TSG101: variants seen among roughly 807,000 people sequenced by gnomAD.
The protein encoded by TSG101 is tumor susceptibility 101.
TSG101 carries 19 observed loss-of-function variants against 48.5 expected under a neutral mutation model. The ratio of observed to expected loss-of-function variants is 0.39; its 90% CI spans 0.27 to 0.58. The LOEUF is 0.58. Ranked by LOEUF, TSG101 falls within the 20% of genes least tolerant of loss-of-function variation. The pLI, the probability that TSG101 is intolerant of heterozygous loss-of-function variation, is 0.55. For synonymous variants in TSG101, 174 were observed against 169.4 expected (o/e 1.03, Z -0.21); for missense variants, 365 against 484.4 (o/e 0.75, Z 2.31).
chr11:18,495,185 G>A (rs1192091106), intron 7 of TSG101, among the ~76,000 whole-genome samples: 4 of 152,128 alleles, frequency 2.6e-5, no homozygotes, highest in African/African-American at 9.7e-5. Context: ...AAACTCAGAG[G>A]TTGAAATATA....
In TSG101 at chr11:18,509,428, C is replaced by A. The variant is rs997201297; in HGVS notation, c.481+114G>T. 4 of 1,381,702 alleles carry A rather than the reference C, an allele frequency of 2.9e-6. No individual in the cohort carries two copies. The African/African-American group carries it at 4.4e-5, about 15-fold the overall frequency. The allele number at this position is 1,381,702 out of a possible 1,614,324, so 85.6% of individuals were successfully genotyped here. ...CCTCAGAATACTTCCAAAAAATCCA[C>A]TAGCTTGATAAACTAAAAAGCAAAG... On this transcript the variant is annotated intron_variant, in intron 5 of 9. Coordinates refer to ENST00000251968, the MANE Select transcript of TSG101 (RefSeq NM_006292.4).
chr11:18,481,516 A>T (rs1317668902), intron 9 of TSG101, 114 bp downstream of exon 9: 1 of 1,479,960 alleles, frequency 6.8e-7, no homozygotes, highest in African/African-American at 1.4e-5. Context: ...GTTTTTTGGG[A>T]AGATAAAGAA....
chr11:18,514,844 G>A lies in TSG101; in HGVS notation c.194-3C>T, dbSNP rs761923334. Reference sequence around the variant, plus strand: ...TATTGGAATATTGTATGTATTACCTGAAAAAGAAATAGAAACTTCAGTTAC... The same window carrying A: ...TATTGGAATATTGTATGTATTACCTAAAAAAGAAATAGAAACTTCAGTTAC... On this transcript the variant is annotated splice_region_variant and splice_polypyrimidine_tract_variant and intron_variant, in intron 3 of 9. Coordinates refer to ENST00000251968, the MANE Select transcript of TSG101 (RefSeq NM_006292.4). The A allele has an allele frequency of 4.6e-6, 7 of 1,530,976 alleles. No homozygotes were observed. The highest frequency in any genetic ancestry group is 2.6e-5 in the Admixed American group (1 of 38,860). 94.8% of individuals were successfully genotyped at this position (1,530,976 alleles called of 1,614,324 possible). A position where few individuals can be genotyped will look rare whatever the true frequency, so the allele number is the denominator to read the frequency against.
intron 1 of TSG101, among the ~76,000 whole-genome samples, chr11:18,521,668 TCC>T (rs1491034224): frequency 1.2e-4 from 13 of 106,366 alleles, no homozygotes; most frequent in Admixed American, 2.4e-4. Flanking sequence ...CCTGGCCCCT[TCC>T]TTTTTTTTTT....
chr11:18,498,658 C>CTG (rs1849821857), intron 7 of TSG101, among the ~76,000 whole-genome samples: 1 of 152,154 alleles, frequency 6.6e-6, no homozygotes, highest in African/African-American at 2.4e-5. Context: ...CTGGATATAA[C>CTG]AATCTCGAGT....
intron 4 of TSG101, among the ~76,000 whole-genome samples, chr11:18,513,796 T>C (rs1973412): frequency 0.88 from 134,573 of 152,178 alleles, 59,528 homozygotes; most frequent in East Asian, 0.93. Context: ...GTAAGTAGGC[T>C]GGGCATGGTG....
At position 18,492,806 on chromosome 11, in the gene TSG101, A is replaced by G. The variant is rs76309188; in HGVS notation, c.641-8734T>C. ...AATTATAACTAAGATCTGAAATAAG[A>G]AAGTAAAAAAAGAAAAACCCAGAGT... is the stretch of plus-strand genomic sequence containing the variant. On this transcript the variant is annotated intron_variant, in intron 7 of 9. Transcript: ENST00000251968. Among the ~76,000 whole-genome samples, 118 of 152,180 alleles carry G rather than the reference A, an allele frequency of 7.8e-4. No homozygotes were observed. The East Asian group carries it at 9.6e-3, about 12-fold the overall frequency.
At chr11:18,485,492 C>T (rs927699851) in intron 7 of TSG101, among the ~76,000 whole-genome samples, 3 of 152,168 alleles carry the variant, frequency 2.0e-5, no homozygotes, top group Non-Finnish European at 2.9e-5. Flanking sequence ...TGGTTATCTT[C>T]TAGGAGTCCT....
chr11:18,484,952 T>TC (rs1184663639), intron 7 of TSG101, among the ~76,000 whole-genome samples: 3 of 147,058 alleles, frequency 2.0e-5, no homozygotes, highest in Non-Finnish European at 4.5e-5. Context: ...TTTTTTTTTT[T>TC]TTTTGAGATG....
At chr11:18,503,625 G>T (rs1390019881) in intron 6 of TSG101, among the ~76,000 whole-genome samples, 1 of 152,040 alleles carries the variant, frequency 6.6e-6, no homozygotes, top group African/African-American at 2.4e-5. Context: ...ACCCGCCTCA[G>T]CCTCCCAAAC....
chr11:18,511,530 G>A (rs1197698175), intron 4 of TSG101: 1 of 152,164 alleles, frequency 6.6e-6, no homozygotes, highest in African/African-American at 2.4e-5. Context: ...TACTGTGGCT[G>A]GTGTGTGTGG....
intron 7 of TSG101, among the ~76,000 whole-genome samples, chr11:18,485,941 C>T (rs1292258182): frequency 6.6e-6 from 1 of 152,212 alleles, no homozygotes; most frequent in Non-Finnish European, 1.5e-5. Flanking sequence ...AGAGTGAGAA[C>T]TTCTATTCCT....
chr11:18,506,816 G>T (rs1472159325), intron 6 of TSG101, 41 bp downstream of exon 6: 2 of 1,455,064 alleles, frequency 1.4e-6, no homozygotes. Flanking sequence ...TCTAATAGAA[G>T]AATTTGTAAT....
chr11:18,515,240 A>G (rs1396025733), intron 3 of TSG101, among the ~76,000 whole-genome samples: 1 of 152,166 alleles, frequency 6.6e-6, no homozygotes, highest in Non-Finnish European at 1.5e-5. Flanking sequence ...GTAAATATCT[A>G]TCTGTTCCCT....
intron 1 of TSG101, among the ~76,000 whole-genome samples, chr11:18,524,326 AC>A (rs1400151593): frequency 1.3e-5 from 2 of 152,236 alleles, no homozygotes; most frequent in Non-Finnish European, 2.9e-5. Flanking sequence ...GGAAAAAAAG[AC>A]CTTTTATAAT....
At chr11:18,526,326 TGAAA>T (rs1850372330) in intron 1 of TSG101, among the ~76,000 whole-genome samples, 1 of 152,136 alleles carries the variant, frequency 6.6e-6, no homozygotes, top group South Asian at 2.1e-4. Context: ...AATACAAAAC[TGAAA>T]AGGCCACACT....
chr11:18,514,840 A>G lies in TSG101; in HGVS notation c.195T>C (p.Gly65=), dbSNP rs1352686979. ...GGCATATTGGAATATTGTATGTATT[A>G]CCTGAAAAAGAAATAGAAACTTCAG... ...LTGTIPVPYR[G]NTYNIPICLW... The change falls in exon 4 of 10, where the codon GGT becomes GGC. Residue 65 remains glycine (G), a splice_region_variant and synonymous_variant. Transcript: ENST00000251968. 2.0e-6 allele frequency: 3 copies of G among 1,538,396 alleles called. No individual in the cohort carries two copies. The African/African-American group carries it at 4.3e-5, about 22-fold the overall frequency.
At chr11:18,486,900 A>C (rs1273512372) in intron 7 of TSG101, among the ~76,000 whole-genome samples, 1 of 151,914 alleles carries the variant, frequency 6.6e-6, no homozygotes, top group African/African-American at 2.4e-5. Flanking sequence ...TGGATTAAGA[A>C]AATGTGGCAC....
At chr11:18,515,809 G>A (rs1050569710) in intron 3 of TSG101, among the ~76,000 whole-genome samples, 1 of 152,164 alleles carries the variant, frequency 6.6e-6, no homozygotes, top group South Asian at 2.1e-4. Flanking sequence ...GCTGAACTAG[G>A]AGGCAAGTAA....
Sources: allele counts gnomAD v4.1 joint callset (sites outside exome capture counted in the v4.1 genomes callset), GRCh38; gene constraint gnomAD v4.1.1; transcripts MANE v1.5; gene names NCBI Gene and HGNC (gene_info 2026-07-23, HGNC 2026-07-21).